The following IQCH variants were observed in gnomAD, a reference collection of about 807,000 sequenced individuals.
The protein encoded by IQCH is IQ domain-containing protein H.
A neutral mutation model predicts 117.0 loss-of-function variants in IQCH; 98 were observed. That is an observed-to-expected ratio of 0.84 (90% CI 0.71 to 0.99). The LOEUF (loss-of-function observed/expected upper bound fraction) is 0.99, where lower values mean the gene tolerates loss of function less well. Among genes scored for constraint, IQCH ranks in the 50% least tolerant of loss-of-function variants. IQCH has a pLI of 0.00. For synonymous variants in IQCH, 412 were observed against 448.2 expected, an observed-to-expected ratio of 0.92 and a Z score of 1.02; for missense variants, 1,102 against 1,243.8, an observed-to-expected ratio of 0.89 and a Z score of 1.72.
intron 4 of IQCH, chr15:67,307,316 AACTT>A (rs1263152086): frequency 6.7e-6 from 2 of 297,776 alleles, no homozygotes; most frequent in Admixed American, 6.5e-5. Context: ...GTTTTCCACT[AACTT>A]AGTTGGGTAG....
chr15:67,297,573 G>A (rs1008070391), intron 4 of IQCH, among the ~76,000 whole-genome samples: 1 of 151,954 alleles, frequency 6.6e-6, no homozygotes, highest in South Asian at 2.1e-4. Flanking sequence ...AAACATCCTT[G>A]TCCATCTTTC....
At chr15:67,434,780 CTTTTCTTTTT>C (rs1358263943) in intron 16 of IQCH, among the ~76,000 whole-genome samples, 3 of 138,774 alleles carry the variant, frequency 2.2e-5, no homozygotes, top group African/African-American at 8.2e-5. Flanking sequence ...CTTTTCTTTT[CTTTTCTTTTT>C]TTTTTTTTTT....
Position 67,464,658 on chromosome 15 carries a change from G to T in IQCH, c.2506-469G>T, listed in dbSNP as rs573916707. ...AGTTTCCCTTAAATATCATATTGAG[G>T]CTCCCAGAGGGGCTGTCACTGCTTT... On this transcript the variant is annotated intron_variant, in intron 16 of 20. Coordinates refer to ENST00000335894, the MANE Select transcript of IQCH (RefSeq NM_001031715.3). Among the ~76,000 whole-genome samples, 290 of 152,116 alleles carry T rather than the reference G, an allele frequency of 1.9e-3. 2 individuals carry two copies. Among genetic ancestry groups the T allele is most frequent in the Non-Finnish European group, 3.6e-3 (245 of 68,018 alleles).
At chr15:67,322,004 C>G (rs1425407724) in intron 4 of IQCH, among the ~76,000 whole-genome samples, 2 of 152,162 alleles carry the variant, frequency 1.3e-5, no homozygotes, top group Non-Finnish European at 2.9e-5. Flanking sequence ...ATTTTCAGCA[C>G]ATACTGATTT....
At chr15:67,259,297 G>A (rs1464111210) in intron 1 of IQCH, among the ~76,000 whole-genome samples, 1 of 152,152 alleles carries the variant, frequency 6.6e-6, no homozygotes, top group African/African-American at 2.4e-5. Flanking sequence ...GAAGGAAGAA[G>A]GATTCCAGTT....
intron 4 of IQCH, among the ~76,000 whole-genome samples, chr15:67,296,245 G>A (rs988494538): frequency 2.0e-5 from 3 of 152,162 alleles, no homozygotes; most frequent in Non-Finnish European, 2.9e-5. Context: ...AGTAATTTGG[G>A]CCTGACTGAA....
chr15:67,283,713 A>C (rs1212105757), intron 4 of IQCH, among the ~76,000 whole-genome samples: 2 of 152,132 alleles, frequency 1.3e-5, no homozygotes, highest in Non-Finnish European at 2.9e-5. Context: ...ATATAAAAGT[A>C]ATGGATTTTA....
At chr15:67,352,539 G>A (rs1037644135) in intron 6 of IQCH, among the ~76,000 whole-genome samples, 10 of 108,258 alleles carry the variant, frequency 9.2e-5, no homozygotes, top group African/African-American at 2.4e-4. Context: ...CTCAAAATGT[G>A]TTTATGTCCT....
intron 4 of IQCH, among the ~76,000 whole-genome samples, chr15:67,283,841 C>T (rs1815930153): frequency 6.6e-6 from 1 of 152,092 alleles, no homozygotes; most frequent in South Asian, 2.1e-4. Context: ...GAGGATTGTA[C>T]AGCATCAGTT....
At chr15:67,311,459 A>T (rs984052149) in intron 4 of IQCH, among the ~76,000 whole-genome samples, 9 of 151,232 alleles carry the variant, frequency 6.0e-5, no homozygotes, top group African/African-American at 2.2e-4. Context: ...GCAGTTATTT[A>T]TAACTCTTGA....
At position 67,491,908 on chromosome 15, in the gene IQCH, C is replaced by G. The variant is rs115514678; in HGVS notation, c.2861+1844C>G. ...GCCCTGCCCTCAGGAAGCTGCCACTCTAGAGGGGTGGGCATACAGTAAACA... is the reference window on the plus strand; with the variant it reads ...GCCCTGCCCTCAGGAAGCTGCCACTGTAGAGGGGTGGGCATACAGTAAACA... On this transcript the variant is annotated intron_variant, in intron 19 of 20. Coordinates refer to ENST00000335894, the MANE Select transcript of IQCH (RefSeq NM_001031715.3). This position sits in a 1 kb window ranked among gnomAD's most constrained non-coding sequence, Gnocchi z 4.9. Among the ~76,000 whole-genome samples the G allele has an allele frequency of 2.3e-3, 343 of 152,102 alleles. 2 individuals are homozygous for G. The highest frequency in any genetic ancestry group is 7.7e-3 in the African/African-American group (321 of 41,498).
chr15:67,347,106 A>C (rs1466776725), intron 6 of IQCH, among the ~76,000 whole-genome samples: 3 of 151,732 alleles, frequency 2.0e-5, no homozygotes, highest in African/African-American at 7.3e-5. Flanking sequence ...CTAAGCTCCC[A>C]CTCTAAAAAA....
In IQCH at chr15:67,362,872, A is replaced by G. The variant is rs578047879; in HGVS notation, c.753+2987A>G. On this transcript the variant is annotated intron_variant, in intron 8 of 20. Coordinates refer to ENST00000335894, the MANE Select transcript of IQCH (RefSeq NM_001031715.3). ...CTTTCAAAACCACTAGATGATATCTAGCAGCAGTTTTGGCTTTAACATGTC... is the reference window on the plus strand; with the variant it reads ...CTTTCAAAACCACTAGATGATATCTGGCAGCAGTTTTGGCTTTAACATGTC... 4.6e-5 allele frequency among the ~76,000 whole-genome samples: 7 copies of G among 152,384 alleles called. No individual in the cohort carries two copies. The South Asian group carries it at 1.4e-3, about 32-fold the overall frequency.
chr15:67,349,319 A>G (rs541183649), intron 6 of IQCH, among the ~76,000 whole-genome samples: 13 of 152,336 alleles, frequency 8.5e-5, no homozygotes, highest in African/African-American at 2.6e-4. Flanking sequence ...AAGAAAATGA[A>G]AAGAAAAGCT....
intron 7 of IQCH, among the ~76,000 whole-genome samples, chr15:67,358,002 G>A (rs183063619): frequency 3.3e-4 from 50 of 151,558 alleles, no homozygotes; most frequent in Non-Finnish European, 6.3e-4. Context: ...GGGATTACAG[G>A]TGCCTACCAC....
In IQCH at chr15:67,384,997, G is replaced by A; in HGVS notation, c.1434G>A (p.Leu478=). 6.2e-7 allele frequency: 1 copy of A among 1,610,116 alleles called. No individual in the cohort carries two copies. Among genetic ancestry groups the A allele is most frequent in the Non-Finnish European group, 8.5e-7 (1 of 1,176,744 alleles). Reference sequence around the variant, plus strand: ...TCAACACACAGCAGAACATGCAGCTGGGGAGGCTGTGTGACATCTTAGGTA... The same window carrying A: ...TCAACACACAGCAGAACATGCAGCTAGGGAGGCTGTGTGACATCTTAGGTA... The part of the protein sequence containing the change: ...ADFNTQQNMQ[L]GRLCDILDAN... The change falls in exon 11 of 21, where the codon CTG becomes CTA. Residue 478 remains leucine (L), a synonymous_variant. Coordinates refer to ENST00000335894, the MANE Select transcript of IQCH (RefSeq NM_001031715.3). This position sits in a 1 kb window ranked among gnomAD's most constrained non-coding sequence, Gnocchi z 4.3.
intron 16 of IQCH, among the ~76,000 whole-genome samples, chr15:67,442,663 G>A (rs1329786648): frequency 1.3e-5 from 2 of 152,044 alleles, no homozygotes; most frequent in Non-Finnish European, 1.5e-5. Flanking sequence ...ATTTGATCCA[G>A]CAGTCCCATT....
chr15:67,447,463 G>A lies in IQCH; in HGVS notation c.2506-17664G>A, dbSNP rs1316484907. On this transcript the variant is annotated intron_variant, in intron 16 of 20. Coordinates refer to ENST00000335894, the MANE Select transcript of IQCH (RefSeq NM_001031715.3). This position sits in a 1 kb window ranked among gnomAD's most constrained non-coding sequence, Gnocchi z 5.3. ...ATCTCTCAGATAACTGAATCCAAAA[G>A]GTTCCCTTATGATAAGCATGTAGTA... is the stretch of plus-strand genomic sequence containing the variant. Among the ~76,000 whole-genome samples the A allele has an allele frequency of 6.6e-6, 1 of 152,166 alleles. No homozygotes were observed. Among genetic ancestry groups the A allele is most frequent in the Admixed American group, 6.5e-5 (1 of 15,276 alleles).
rs1191327143 is a variant in IQCH at position 67,384,620 on chromosome 15, C to T, written c.1373-316C>T. On this transcript the variant is annotated intron_variant, in intron 10 of 20. Transcript: ENST00000335894. This position sits in a 1 kb window ranked among gnomAD's most constrained non-coding sequence, Gnocchi z 4.3. The stretch of plus-strand genomic sequence containing the variant: ...TTAACCTGAGCATAATTTTCTTACA[C>T]ATCCTTGTAAACATTCATATTGCAT... Among the ~76,000 whole-genome samples the T allele has an allele frequency of 6.6e-6, 1 of 152,030 alleles. No individual in the cohort carries two copies. The highest frequency in any genetic ancestry group is 2.4e-5 in the African/African-American group (1 of 41,400).
Sources: allele counts gnomAD v4.1 joint callset (sites outside exome capture counted in the v4.1 genomes callset), GRCh38; gene constraint gnomAD v4.1.1; non-coding constraint Gnocchi (gnomAD v3.1); transcripts MANE v1.5; gene names NCBI Gene and HGNC (gene_info 2026-07-23, HGNC 2026-07-21).